Variants in CEMIP2 observed in about 807,000 individuals in gnomAD.
The protein encoded by CEMIP2 is cell migration inducing hyaluronidase 2.
Under a neutral mutation model 146.9 loss-of-function variants are expected in CEMIP2, and 79 were observed. The observed-to-expected ratio is 0.54, with a 90% CI of 0.45 to 0.65. The LOEUF (loss-of-function observed/expected upper bound fraction) is 0.65. Among genes scored for constraint, CEMIP2 ranks in the 30% least tolerant of loss-of-function variants. CEMIP2 has a pLI of 0.00. For missense variants in CEMIP2, 1,596 were observed against 1,696.2 expected, an observed-to-expected ratio of 0.94 and a Z score of 1.04; for synonymous variants, 601 against 606.3, an observed-to-expected ratio of 0.99 and a Z score of 0.13.
intron 5 of CEMIP2, among the ~76,000 whole-genome samples, chr9:71,739,460 T>C (rs1823855218): frequency 6.6e-6 from 1 of 150,704 alleles, no homozygotes; most frequent in African/African-American, 2.4e-5. Context: ...ACAAAATTCC[T>C]GCTAAGAAAC....
intron 1 of CEMIP2, among the ~76,000 whole-genome samples, chr9:71,755,798 T>G (rs900638093): frequency 6.6e-6 from 1 of 150,986 alleles, no homozygotes; most frequent in African/African-American, 2.4e-5. Flanking sequence ...TTATCTCTAT[T>G]AAAAACCAAA....
chr9:71,756,215 G>GATAGATAGATAGATAGATAGACAGACAGA (rs1824439249), intron 1 of CEMIP2, among the ~76,000 whole-genome samples: 7 of 105,168 alleles, frequency 6.7e-5, no homozygotes, highest in African/African-American at 2.1e-4. Context: ...AGATAGATAG[G>GATAGATAGATAGATAGATAGACAGACAGA]CTATATATAT....
At position 71,704,691 on chromosome 9, in the gene CEMIP2, T is replaced by C; in HGVS notation, c.3098A>G (p.Gln1033Arg). 5 of 1,614,174 alleles carry C rather than the reference T, an allele frequency of 3.1e-6. No individual in the cohort carries two copies. The highest frequency in any genetic ancestry group is 4.2e-6 in the Non-Finnish European group (5 of 1,180,026). ...RGINQKAAFP[Q>R]YQPVVMLEKG... is the part of the protein sequence containing the mutation. ...CTCCAGCATGACGACAGGCTGGTAC[T>C]GTGGAAAGGCAGCCTTCTGATTAAT... The change falls in exon 18 of 24, where the codon CAG (glutamine) becomes CGG (arginine). Residue 1033 changes from glutamine to arginine, a missense_variant. Transcript: ENST00000377044.
At chr9:71,734,367 G>T (rs1823704549) in intron 6 of CEMIP2, among the ~76,000 whole-genome samples, 2 of 152,148 alleles carry the variant, frequency 1.3e-5, no homozygotes, top group Admixed American at 1.3e-4. Context: ...AGGGGAGGCA[G>T]CGGGAGGGAA....
intron 10 of CEMIP2, among the ~76,000 whole-genome samples, chr9:71,728,211 CTCTCTCTCTCTCTCTCTCTCTA>C (rs1291800989): frequency 2.6e-5 from 1 of 37,974 alleles, no homozygotes; most frequent in Non-Finnish European, 6.0e-5. Flanking sequence ...CTCTCTCTCT[CTCTCTCTCTCTCTCTCTCTCTA>C]TATATATATA....
At chr9:71,716,964 G>A (rs977744227) in intron 13 of CEMIP2, among the ~76,000 whole-genome samples, 1 of 152,178 alleles carries the variant, frequency 6.6e-6, no homozygotes, top group African/African-American at 2.4e-5. Context: ...TTGAGCCCAG[G>A]AAGTCAAGAC....
In CEMIP2 at chr9:71,762,042, AG is replaced by A. The variant is rs869083414; in HGVS notation, c.-13+6314del. On this transcript the variant is annotated intron_variant, in intron 1 of 23. Transcript: ENST00000377044. Reference sequence around the variant, plus strand: ...CCCAATAGTGACTAAAAAGTATGGGAGGGAGGGGAGGGTGACACACTACAGA... The same window carrying A: ...CCCAATAGTGACTAAAAAGTATGGGAGGAGGGGAGGGTGACACACTACAGA... Among the ~76,000 whole-genome samples, 30 of 98,612 alleles carry A rather than the reference AG, an allele frequency of 3.0e-4. No homozygotes were observed. The East Asian group carries it at 5.7e-3, about 19-fold the overall frequency. The allele number at this position is 98,612 out of a possible 152,430, so 64.7% of individuals were successfully genotyped here.
At chr9:71,755,961 C>CAAAAAAAA (rs55972127) in intron 1 of CEMIP2, among the ~76,000 whole-genome samples, 1 of 52,896 alleles carries the variant, frequency 1.9e-5, no homozygotes, top group African/African-American at 9.1e-5. Context: ...CTCTGTCTCA[C>CAAAAAAAA]AAAAAAAAAA....
Position 71,712,155 on chromosome 9 carries a change from A to T in CEMIP2, c.2697T>A (p.Ile899=), listed in dbSNP as rs1822925057. 6.2e-7 allele frequency: 1 copy of T among 1,614,196 alleles called. No individual in the cohort carries two copies. Among genetic ancestry groups the T allele is most frequent in the East Asian group, 2.2e-5 (1 of 44,884 alleles). Residue 899 remains isoleucine (I), a synonymous_variant, in exon 16 of 24, where the codon ATT becomes ATA. Transcript: ENST00000377044. The stretch of plus-strand genomic sequence containing the variant: ...GCCAGGAATTCTTCATGAGGAAGCC[A>T]ATTGCACTGCTGTACCTATCTGGAG... The part of the protein sequence containing the change: ...VPTPDRYSSA[I]GFLMKNSWQI...
intron 18 of CEMIP2, among the ~76,000 whole-genome samples, chr9:71,701,903 T>C (rs1044645730): frequency 1.3e-5 from 2 of 152,174 alleles, no homozygotes; most frequent in African/African-American, 4.8e-5. Flanking sequence ...TCATCATCAC[T>C]ATTTCCCAAA....
intron 15 of CEMIP2, chr9:71,712,499 T>C (rs779712504): frequency 1.7e-5 from 7 of 423,164 alleles, no homozygotes; most frequent in Non-Finnish European, 2.9e-5. Flanking sequence ...AGACACAACA[T>C]TATCATAGAT....
chr9:71,749,531 C>A (rs575979431), intron 2 of CEMIP2, among the ~76,000 whole-genome samples: 1 of 151,784 alleles, frequency 6.6e-6, no homozygotes, highest in Non-Finnish European at 1.5e-5. Context: ...CATGGTGAAA[C>A]CCTGTCTCTA....
rs1280464182 is a variant in CEMIP2, at chr9:71,750,104, A to G, written c.270T>C (p.Ser90=). Residue 90 remains serine, a synonymous_variant, in exon 2 of 24, where the codon AGT becomes AGC. Transcript: ENST00000377044. ...KNTFICFAIT[S]FSFFIALAII... is the part of the protein sequence containing the mutation. Reference sequence around the variant, plus strand: ...TTGCAAGTGCAATAAAAAATGAGAAACTAGTAATAGCAAAACAAATGAAAG... The same window carrying G: ...TTGCAAGTGCAATAAAAAATGAGAAGCTAGTAATAGCAAAACAAATGAAAG... The G allele has an allele frequency of 3.9e-5, 63 of 1,613,312 alleles. No individual in the cohort carries two copies. The highest frequency in any genetic ancestry group is 4.8e-5 in the Non-Finnish European group (57 of 1,179,856).
Position 71,713,484 on chromosome 9 carries a change from C to T in CEMIP2, c.2592-1224G>A, listed in dbSNP as rs548268785. On this transcript the variant is annotated intron_variant, in intron 15 of 23. Coordinates refer to ENST00000377044, the MANE Select transcript of CEMIP2 (RefSeq NM_013390.3). ...TATGTCTTTATCAGCAGTGTGAAAA[C>T]GGACTAATACAAGTTGTAAAGATAT... 8.5e-5 allele frequency among the ~76,000 whole-genome samples: 13 copies of T among 152,168 alleles called. No homozygotes were observed. The South Asian group carries it at 2.1e-3, about 24-fold the overall frequency.
At chr9:71,735,676 G>C (rs1401587245) in intron 5 of CEMIP2, among the ~76,000 whole-genome samples, 1 of 152,100 alleles carries the variant, frequency 6.6e-6, no homozygotes, top group East Asian at 1.9e-4. Flanking sequence ...CCAGCTCCTT[G>C]GGCAGCTGAG....
chr9:71,711,958 T>G, intron 16 of CEMIP2, 125 bp downstream of exon 16: 1 of 981,904 alleles, frequency 1.0e-6, no homozygotes, highest in Non-Finnish European at 1.5e-6. Context: ...GAGCTGGCTC[T>G]GTGTGTATGT....
intron 4 of CEMIP2, among the ~76,000 whole-genome samples, chr9:71,740,519 T>C (rs1248600611): frequency 6.6e-6 from 1 of 152,226 alleles, no homozygotes; most frequent in African/African-American, 2.4e-5. Context: ...TACACATCCA[T>C]ATCACACATA....
chr9:71,691,863 T>C (rs1236320694), intron 21 of CEMIP2, among the ~76,000 whole-genome samples: 1 of 151,982 alleles, frequency 6.6e-6, no homozygotes, highest in African/African-American at 2.4e-5. Context: ...CCCAACACTC[T>C]GGGAGGCTGA....
chr9:71,719,478 G>A (rs571372571), intron 12 of CEMIP2, among the ~76,000 whole-genome samples: 1 of 152,212 alleles, frequency 6.6e-6, no homozygotes, highest in East Asian at 1.9e-4. Context: ...ATCAAGGAAG[G>A]GATGTGATCA....
Sources: gnomAD v4.1 joint callset for allele counts (sites outside exome capture counted in the v4.1 genomes callset) on GRCh38, gnomAD v4.1.1 for gene constraint, MANE v1.5 for transcripts, NCBI Gene and HGNC (gene_info 2026-07-23, HGNC 2026-07-21) for gene names.